Variants in SEMA3A observed in about 807,000 individuals in gnomAD.
The protein encoded by SEMA3A is semaphorin-3A.
In SEMA3A, 29 loss-of-function variants were observed where a neutral mutation model predicts 97.9. The observed-to-expected ratio is 0.30, with a 90% CI of 0.22 to 0.40. The LOEUF (loss-of-function observed/expected upper bound fraction) is 0.40. SEMA3A is among the 10% of genes least tolerant of loss of function. The pLI is 1.00. For missense variants in SEMA3A, 763 were observed against 951.3 expected, an observed-to-expected ratio of 0.80 and a Z score of 2.60; for synonymous variants, 321 against 323.7, an observed-to-expected ratio of 0.99 and a Z score of 0.09.
intron 3 of SEMA3A, among the ~76,000 whole-genome samples, chr7:84,304,508 T>G (rs1369636000): frequency 6.6e-6 from 1 of 152,100 alleles, no homozygotes; most frequent in Non-Finnish European, 1.5e-5. Flanking sequence ...AAGATGAATA[T>G]ACTTTCAAAA....
chr7:84,038,428 GTAGT>G (rs566183381), intron 6 of SEMA3A, among the ~76,000 whole-genome samples: 96 of 152,042 alleles, frequency 6.3e-4, no homozygotes, highest in Admixed American at 1.7e-3. Context: ...TATTTTTGTA[GTAGT>G]TATTTTTCCA....
intron 3 of SEMA3A, among the ~76,000 whole-genome samples, chr7:84,262,085 A>G (rs1043615061): frequency 8.0e-6 from 1 of 124,406 alleles, no homozygotes; most frequent in Non-Finnish European, 1.7e-5. Flanking sequence ...GATTATCCCT[A>G]AGTTTAATGA....
At chr7:84,062,838 G>C (rs1308723090) in intron 4 of SEMA3A, among the ~76,000 whole-genome samples, 1 of 141,206 alleles carries the variant, frequency 7.1e-6, no homozygotes, top group South Asian at 2.4e-4. Flanking sequence ...CAGCGAGGCG[G>C]GGGGAGGGGC....
At chr7:84,242,230 T>C (rs371768634) in intron 3 of SEMA3A, among the ~76,000 whole-genome samples, 2 of 152,220 alleles carry the variant, frequency 1.3e-5, no homozygotes, top group East Asian at 3.9e-4. Flanking sequence ...AGTATGGCCA[T>C]TTTCACGATA....
At chr7:83,976,185 G>GA (rs1789142415) in intron 15 of SEMA3A, among the ~76,000 whole-genome samples, 1 of 152,096 alleles carries the variant, frequency 6.6e-6, no homozygotes, top group African/African-American at 2.4e-5. Flanking sequence ...GTAAGTTTTG[G>GA]AATGTATGCT....
chr7:84,358,762 T>C lies in SEMA3A; in HGVS notation c.-169+13062A>G, dbSNP rs529565138. On this transcript the variant is annotated intron_variant, in intron 2 of 3. Transcript: ENST00000424555. ...ATTTTCACGATATTGATTCTTCCTA[T>C]CCATGAGCATGGAATGTTCTTCCAT... Among the ~76,000 whole-genome samples, 14 of 152,258 alleles carry C rather than the reference T, an allele frequency of 9.2e-5. No individual in the cohort carries two copies. The South Asian group carries it at 2.5e-3, about 27-fold the overall frequency.
intron 2 of SEMA3A, among the ~76,000 whole-genome samples, chr7:84,313,265 AT>A (rs958919212): frequency 5.0e-5 from 7 of 140,066 alleles, no homozygotes; most frequent in Non-Finnish European, 9.2e-5. Flanking sequence ...CTCGCCTTCC[AT>A]TTTTCTCTCA....
chr7:84,147,294 CA>C (rs1796491262), intron 1 of SEMA3A, among the ~76,000 whole-genome samples: 1 of 152,096 alleles, frequency 6.6e-6, no homozygotes, highest in Admixed American at 6.6e-5. Flanking sequence ...TAATGCTGAG[CA>C]AAATGAGTGC....
rs573551253 is a variant in SEMA3A, at chr7:84,150,425, C to G, written c.113-15474G>C. ...AAGCAGGGCGAGGCATTGCCTCACT[C>G]GGGAAGCGCAAGGGGTCCGGGAGTT... On this transcript the variant is annotated intron_variant, in intron 1 of 16. Transcript: ENST00000265362. Among the ~76,000 whole-genome samples, 5 of 152,270 alleles carry G rather than the reference C, an allele frequency of 3.3e-5. No homozygotes were observed. In the East Asian group the frequency reaches 7.8e-4, roughly 24 times the overall value.
intron 1 of SEMA3A, among the ~76,000 whole-genome samples, chr7:84,374,353 T>G (rs544927009): frequency 2.6e-5 from 4 of 152,218 alleles, no homozygotes; most frequent in Non-Finnish European, 5.9e-5. Flanking sequence ...AGAAAACTTG[T>G]ATGTCCATCG....
At chr7:84,106,176 T>C (rs1795104234) in intron 4 of SEMA3A, among the ~76,000 whole-genome samples, 1 of 152,202 alleles carries the variant, frequency 6.6e-6, no homozygotes, top group Non-Finnish European at 1.5e-5. Flanking sequence ...ACACATAACA[T>C]TTTGGTTAAT....
At chr7:84,290,924 T>C (rs536504158) in intron 3 of SEMA3A, among the ~76,000 whole-genome samples, 1 of 152,272 alleles carries the variant, frequency 6.6e-6, no homozygotes, top group South Asian at 2.1e-4. Flanking sequence ...CATTGTATTG[T>C]ATTTCTTTTA....
At chr7:84,401,001 G>C (rs933206889) in intron 1 of SEMA3A, among the ~76,000 whole-genome samples, 2 of 151,860 alleles carry the variant, frequency 1.3e-5, no homozygotes, top group Non-Finnish European at 2.9e-5. Context: ...ATTAAATATA[G>C]TACTAGAAGT....
chr7:84,266,634 G>A (rs1800011501), intron 3 of SEMA3A, among the ~76,000 whole-genome samples: 2 of 152,076 alleles, frequency 1.3e-5, no homozygotes, highest in South Asian at 4.1e-4. Flanking sequence ...AAACATAATT[G>A]AAAAGAAACG....
intron 6 of SEMA3A, among the ~76,000 whole-genome samples, chr7:84,040,158 T>C (rs554785538): frequency 6.6e-6 from 1 of 152,138 alleles, no homozygotes; most frequent in African/African-American, 2.4e-5. Context: ...CAAACCTGCA[T>C]TGAATATTTC....
At chr7:84,169,694 C>A (rs999981558) in intron 1 of SEMA3A, among the ~76,000 whole-genome samples, 8 of 151,406 alleles carry the variant, frequency 5.3e-5, no homozygotes, top group Admixed American at 5.3e-4. Flanking sequence ...AGATAGTCTA[C>A]AATTAATCAA....
intron 3 of SEMA3A, among the ~76,000 whole-genome samples, chr7:84,271,721 A>G (rs190834483): frequency 2.0e-5 from 3 of 152,178 alleles, no homozygotes; most frequent in African/African-American, 4.8e-5. Flanking sequence ...TTTTAAACTT[A>G]GCAACCAAAG....
intron 3 of SEMA3A, among the ~76,000 whole-genome samples, chr7:84,225,349 T>C (rs1475688022): frequency 3.3e-5 from 5 of 152,092 alleles, no homozygotes; most frequent in African/African-American, 1.2e-4. Context: ...TTGTTTCTTA[T>C]GGGGAAAAGA....
At chr7:84,378,207 A>G (rs1367417867) in intron 1 of SEMA3A, among the ~76,000 whole-genome samples, 1 of 152,140 alleles carries the variant, frequency 6.6e-6, no homozygotes, top group African/African-American at 2.4e-5. Context: ...ATATAATTAT[A>G]TTAATATTCA....
Sources: allele counts gnomAD v4.1 joint callset (sites outside exome capture counted in the v4.1 genomes callset), GRCh38; gene constraint gnomAD v4.1.1; transcripts MANE v1.5; gene names NCBI Gene and HGNC (gene_info 2026-07-23, HGNC 2026-07-21).